STRADB: variants seen among roughly 807,000 people sequenced by gnomAD.
The protein encoded by STRADB is STE20 related adaptor beta.
STRADB carries 34 observed loss-of-function variants against 52.1 expected under a neutral mutation model. The ratio of observed to expected loss-of-function variants is 0.65; its 90% CI spans 0.50 to 0.87. STRADB has a LOEUF of 0.87. Ranked by LOEUF, STRADB falls within the 40% of genes least tolerant of loss-of-function variation. The pLI is 0.00. For missense variants in STRADB, 340 were observed against 483.9 expected (o/e 0.70, Z 2.79); for synonymous variants, 133 against 174.5 (o/e 0.76, Z 1.87).
rs907662613 is a variant in STRADB at position 201,454,845 on chromosome 2, C to A, written c.5C>A (p.Ser2Tyr). The change falls in exon 2 of 12, where the codon TCT becomes TAT. Residue 2 changes from serine (S) to tyrosine (Y), a missense_variant. Physicochemically the swap from Ser to Tyr is moderately radical, Grantham distance 144. Transcript: ENST00000194530. M[S>Y]LLDCFCTSRT... Reference sequence around the variant, plus strand: ...TGTGTGAACTAAAGTGATTCAATGTCTCTTTTGGTAAGTTTTTGTAAATAT... The same window carrying A: ...TGTGTGAACTAAAGTGATTCAATGTATCTTTTGGTAAGTTTTTGTAAATAT... The A allele has an allele frequency of 2.5e-6, 4 of 1,607,480 alleles. No individual in the cohort carries two copies. The highest frequency in any genetic ancestry group is 3.4e-6 in the Non-Finnish European group (4 of 1,177,116).
intron 4 of STRADB, among the ~76,000 whole-genome samples, 175 bp downstream of exon 4, chr2:201,470,227 G>C (rs1952368376): frequency 1.3e-5 from 2 of 152,182 alleles, no homozygotes; most frequent in African/African-American, 4.8e-5. Flanking sequence ...TAATGACTCA[G>C]ATTTTTTCAA....
chr2:201,470,875 C>T (rs968988637), intron 4 of STRADB, among the ~76,000 whole-genome samples: 3 of 152,200 alleles, frequency 2.0e-5, no homozygotes, highest in African/African-American at 7.2e-5. Context: ...AATATTTGAA[C>T]AGTGCTGCTA....
At chr2:201,452,282 C>T (rs546177810) in intron 1 of STRADB, among the ~76,000 whole-genome samples, 3 of 152,316 alleles carry the variant, frequency 2.0e-5, no homozygotes, top group African/African-American at 7.2e-5. Flanking sequence ...TGGCCGCGCT[C>T]TCGGGCTTGG....
chr2:201,479,756 A>AC (rs752667476), intron 11 of STRADB, among the ~76,000 whole-genome samples: 3 of 152,216 alleles, frequency 2.0e-5, no homozygotes, highest in Admixed American at 6.5e-5. Context: ...GACTATCATC[A>AC]CATTACTGAT....
At chr2:201,456,913 A>T (rs1952137182) in intron 2 of STRADB, among the ~76,000 whole-genome samples, 1 of 152,246 alleles carries the variant, frequency 6.6e-6, no homozygotes, top group South Asian at 2.1e-4. Context: ...GAGTTGTGAC[A>T]TGTGAAATGT....
At position 201,468,093 on chromosome 2, in the gene STRADB, T is replaced by C. The variant is rs893023910; in HGVS notation, c.94-1860T>C. ...TCCTGCCTTTTTTTTTTCTTTTTTT[T>C]TTTTTTTTTTTTTTTGGTAATTAGC... is the stretch of plus-strand genomic sequence containing the variant. On this transcript the variant is annotated intron_variant, in intron 3 of 11. Transcript: ENST00000194530. Among the ~76,000 whole-genome samples, 52 of 117,862 alleles carry C rather than the reference T, an allele frequency of 4.4e-4. 1 individual carries two copies. In the South Asian group the frequency reaches 1.0e-2, roughly 23 times the overall value. The allele number at this position is 117,862 out of a possible 152,430, so 77.3% of individuals were successfully genotyped here.
intron 2 of STRADB, among the ~76,000 whole-genome samples, chr2:201,457,695 T>A (rs1288799114): frequency 6.6e-6 from 1 of 152,180 alleles, no homozygotes; most frequent in African/African-American, 2.4e-5. Context: ...TATTGTACTT[T>A]AATGTTAATA....
In STRADB at chr2:201,480,291, G is replaced by A; in HGVS notation, c.*116G>A. On this transcript the variant is annotated 3_prime_UTR_variant, in exon 12 of 12. Coordinates refer to ENST00000194530, the MANE Select transcript of STRADB (RefSeq NM_018571.6). ...ACTTGAAAATACAGTTGGTGCACTG[G>A]AGAATCTATTATTTAAAACCACTCT... The A allele has an allele frequency of 1.0e-5, 16 of 1,531,030 alleles. No homozygotes were observed. In the South Asian group the frequency reaches 1.8e-4, roughly 18 times the overall value. The allele number at this position is 1,531,030 out of a possible 1,614,324, so 94.8% of individuals were successfully genotyped here. A position where few individuals can be genotyped will look rare whatever the true frequency, so the allele number is the denominator to read the frequency against.
At chr2:201,473,682 C>T (rs557453282) in intron 5 of STRADB, among the ~76,000 whole-genome samples, 1 of 152,246 alleles carries the variant, frequency 6.6e-6, no homozygotes, top group Non-Finnish European at 1.5e-5. Context: ...TTACAATACT[C>T]CTAGTCAGTC....
At chr2:201,473,195 A>G (rs1247313933) in intron 5 of STRADB, 119 bp downstream of exon 5, 1 of 876,308 alleles carries the variant, frequency 1.1e-6, no homozygotes, top group Non-Finnish European at 1.6e-6. Flanking sequence ...TACAATAAAA[A>G]ATAGTACAAA....
chr2:201,474,598 GA>G (rs746743052), intron 5 of STRADB, 48 bp from the exon 6 acceptor site: 1 of 1,519,832 alleles, frequency 6.6e-7, no homozygotes, highest in Non-Finnish European at 9.0e-7. Context: ...TCATCATAAG[GA>G]AAAAACAGTT....
At chr2:201,456,583 T>C (rs979693229) in intron 2 of STRADB, among the ~76,000 whole-genome samples, 1 of 13,654 alleles carries the variant, frequency 7.3e-5, no homozygotes, top group African/African-American at 1.2e-4. Flanking sequence ...TTACTTTTTT[T>C]CCTTAAACGA....
intron 7 of STRADB, among the ~76,000 whole-genome samples, 195 bp downstream of exon 7, chr2:201,475,937 A>G (rs181211514): frequency 2.0e-5 from 3 of 152,312 alleles, no homozygotes; most frequent in South Asian, 4.1e-4. Context: ...TGTTCAGACC[A>G]CATCCTCTGT....
chr2:201,459,956 G>A (rs1440456568), intron 3 of STRADB, among the ~76,000 whole-genome samples: 2 of 152,030 alleles, frequency 1.3e-5, no homozygotes, highest in African/African-American at 2.4e-5. Flanking sequence ...ATTTGGTTCT[G>A]CTCCCGTGTA....
chr2:201,459,914 G>A (rs1952187713), intron 3 of STRADB, among the ~76,000 whole-genome samples: 1 of 152,046 alleles, frequency 6.6e-6, no homozygotes, highest in Admixed American at 6.6e-5. Flanking sequence ...TTCAAATATT[G>A]TATCTGTGAA....
intron 3 of STRADB, among the ~76,000 whole-genome samples, chr2:201,462,220 G>A (rs954410497): frequency 2.0e-5 from 3 of 151,950 alleles, no homozygotes; most frequent in Non-Finnish European, 2.9e-5. Flanking sequence ...TGTGTATATC[G>A]ATTCCTGTTC....
chr2:201,452,714 A>G (rs1952065613), intron 1 of STRADB, among the ~76,000 whole-genome samples: 1 of 152,188 alleles, frequency 6.6e-6, no homozygotes, highest in African/African-American at 2.4e-5. Flanking sequence ...TCATTTTTGC[A>G]TTCCCTGTAA....
intron 5 of STRADB, among the ~76,000 whole-genome samples, chr2:201,473,991 C>T (rs1387924167): frequency 2.6e-5 from 4 of 151,242 alleles, no homozygotes; most frequent in South Asian, 2.1e-4. Context: ...CCCGGGTTCA[C>T]GCCATTCTCC....
At chr2:201,456,361 A>T (rs776245048) in intron 2 of STRADB, among the ~76,000 whole-genome samples, 1 of 152,236 alleles carries the variant, frequency 6.6e-6, no homozygotes, top group African/African-American at 2.4e-5. Flanking sequence ...CCTTCATTTG[A>T]TAGGCGAGAA....
Sources: gnomAD v4.1 joint callset for allele counts (sites outside exome capture counted in the v4.1 genomes callset) on GRCh38, gnomAD v4.1.1 for gene constraint, MANE v1.5 for transcripts, NCBI Gene and HGNC (gene_info 2026-07-23, HGNC 2026-07-21) for gene names.